NRG3: variants seen among roughly 807,000 people sequenced by gnomAD.
The protein encoded by NRG3 is pro-neuregulin-3, membrane-bound isoform.
In NRG3, 31 loss-of-function variants were observed where a neutral mutation model predicts 66.9. The ratio of observed to expected loss-of-function variants is 0.46; its 90% CI spans 0.35 to 0.63. NRG3 has a LOEUF of 0.63. NRG3 is among the 20% of genes least tolerant of loss of function. The pLI, the probability that NRG3 is intolerant of heterozygous loss-of-function variation, is 0.00. For synonymous variants in NRG3, 393 were observed against 359.4 expected (o/e 1.09, Z -1.06); for missense variants, 910 against 878.9 (o/e 1.04, Z -0.45).
At chr10:82,063,464 C>T (rs2064273258) in intron 1 of NRG3, among the ~76,000 whole-genome samples, 1 of 150,340 alleles carries the variant, frequency 6.7e-6, no homozygotes, top group Non-Finnish European at 1.5e-5. Context: ...TTCTGCTGCT[C>T]TATTTGTATA....
intron 1 of NRG3, among the ~76,000 whole-genome samples, chr10:82,208,207 A>G (rs1378486919): frequency 2.6e-5 from 4 of 152,212 alleles, no homozygotes; most frequent in Non-Finnish European, 5.9e-5. Context: ...TAGCATAACT[A>G]ATATGCGAAG....
chr10:82,208,478 C>T (rs574633924), intron 1 of NRG3, among the ~76,000 whole-genome samples: 1 of 152,108 alleles, frequency 6.6e-6, no homozygotes, highest in African/African-American at 2.4e-5. Context: ...ATTCCCATAA[C>T]CATATGTTTT....
chr10:82,968,027 T>G (rs139205771), intron 6 of NRG3, among the ~76,000 whole-genome samples: 34 of 152,372 alleles, frequency 2.2e-4, no homozygotes, highest in Admixed American at 8.5e-4. Flanking sequence ...TGTATTCACC[T>G]GTTTCTCCAG....
chr10:82,971,942 A>G (rs1851791746), intron 6 of NRG3, among the ~76,000 whole-genome samples: 1 of 152,134 alleles, frequency 6.6e-6, no homozygotes, highest in Non-Finnish European at 1.5e-5. Flanking sequence ...ATCTTTACCA[A>G]TTCTGTCGAC....
intron 1 of NRG3, among the ~76,000 whole-genome samples, chr10:82,222,159 T>G: frequency 6.6e-6 from 1 of 152,076 alleles, no homozygotes; most frequent in East Asian, 1.9e-4. Context: ...AAGTAATACC[T>G]TATGGTATTT....
chr10:82,331,149 C>A (rs1455533055), intron 1 of NRG3, among the ~76,000 whole-genome samples: 1 of 152,178 alleles, frequency 6.6e-6, no homozygotes, highest in Non-Finnish European at 1.5e-5. Context: ...GCTCAGAATA[C>A]CTGCTGGACC....
chr10:82,655,462 A>G lies in NRG3; in HGVS notation c.954-83115A>G, dbSNP rs1591041370. On this transcript the variant is annotated intron_variant, in intron 2 of 8. Coordinates refer to ENST00000372141, the MANE Select transcript of NRG3 (RefSeq NM_001010848.4). ...CACACTTCTTTTTTTCGGGTGTGGA[A>G]CATTAACATAATTAGACATGAATTT... 3.9e-5 allele frequency among the ~76,000 whole-genome samples: 6 copies of G among 152,302 alleles called. No individual in the cohort carries two copies. The Middle Eastern group carries it at 0.01, about 259-fold the overall frequency.
At chr10:82,979,242 T>C (rs939844767) in intron 8 of NRG3, 122 bp downstream of exon 8, 27 of 980,660 alleles carry the variant, frequency 2.8e-5, no homozygotes, top group Middle Eastern at 4.8e-4. Flanking sequence ...TATATATGCT[T>C]ACTGCCATCT....
chr10:82,804,817 T>A (rs2061210386), intron 3 of NRG3, among the ~76,000 whole-genome samples: 1 of 152,178 alleles, frequency 6.6e-6, no homozygotes, highest in Non-Finnish European at 1.5e-5. Flanking sequence ...CCACAGAATT[T>A]CAACATAGCC....
At chr10:82,760,734 G>GCATACAGAAGACAGTCTTACATA (rs1254099540) in intron 3 of NRG3, among the ~76,000 whole-genome samples, 2 of 151,878 alleles carry the variant, frequency 1.3e-5, no homozygotes, top group Non-Finnish European at 2.9e-5. Context: ...AATAAAATCA[G>GCATACAGAAGACAGTCTTACATA]CATACAGAAG....
intron 3 of NRG3, among the ~76,000 whole-genome samples, chr10:82,847,915 A>G (rs2063380155): frequency 6.6e-6 from 1 of 152,208 alleles, no homozygotes; most frequent in Non-Finnish European, 1.5e-5. Flanking sequence ...GGCATTGAGT[A>G]AATATTTGCT....
intron 3 of NRG3, among the ~76,000 whole-genome samples, chr10:82,779,885 C>A (rs528037528): frequency 2.7e-5 from 4 of 149,874 alleles, no homozygotes; most frequent in East Asian, 3.9e-4. Context: ...CCCCCCACCC[C>A]CCGACAGGCC....
intron 2 of NRG3, among the ~76,000 whole-genome samples, chr10:82,681,990 T>A (rs927311414): frequency 5.9e-5 from 9 of 152,208 alleles, no homozygotes; most frequent in African/African-American, 2.2e-4. Context: ...AACAACCGCC[T>A]GCTGAATAGA....
At chr10:82,052,427 C>T (rs1284371020) in intron 1 of NRG3, among the ~76,000 whole-genome samples, 2 of 152,096 alleles carry the variant, frequency 1.3e-5, no homozygotes, top group African/African-American at 4.8e-5. Flanking sequence ...CTGCACTGGT[C>T]ACCAGAGATG....
chr10:82,403,861 C>T (rs1180190237), intron 2 of NRG3, among the ~76,000 whole-genome samples: 2 of 152,116 alleles, frequency 1.3e-5, no homozygotes, highest in East Asian at 1.9e-4. Context: ...ATCTCTAGGT[C>T]GTAGTTTTCC....
chr10:82,150,563 CA>C (rs958240627), intron 1 of NRG3, among the ~76,000 whole-genome samples: 5 of 75,152 alleles, frequency 6.7e-5, no homozygotes, highest in Non-Finnish European at 8.6e-5. Flanking sequence ...AAGTCAAAAA[CA>C]AAGCAAAAAA....
chr10:82,226,773 G>A (rs893205227), intron 1 of NRG3, among the ~76,000 whole-genome samples: 1 of 152,282 alleles, frequency 6.6e-6, no homozygotes, highest in South Asian at 2.1e-4. Context: ...TTTGGCCAAA[G>A]TCTCACAGTT....
In NRG3 at chr10:82,660,196, CAAAAAAAAAAAAAAAAAAAAAAA is replaced by C. The variant is rs58870828; in HGVS notation, c.954-78364_954-78342del. Among the ~76,000 whole-genome samples the C allele has an allele frequency of 1.8e-3, 35 of 19,564 alleles. 1 individual carries two copies. Among genetic ancestry groups the C allele is most frequent in the Admixed American group, 3.5e-3 (3 of 858 alleles). The allele number at this position is 19,564 out of a possible 152,430, so 12.8% of individuals were successfully genotyped here. A position where few individuals can be genotyped will look rare whatever the true frequency, so the allele number is the denominator to read the frequency against. On this transcript the variant is annotated intron_variant, in intron 2 of 8. Transcript: ENST00000372141. ...GGGCGACAAGAGCAAAACTCCCTCT[CAAAAAAAAAAAAAAAAAAAAAAA>C]AAAAAAAAAAAAAAAACTGGAAAGA...
intron 1 of NRG3, among the ~76,000 whole-genome samples, chr10:82,149,498 A>G (rs564991528): frequency 2.6e-5 from 4 of 152,038 alleles, no homozygotes; most frequent in Admixed American, 1.3e-4. Flanking sequence ...AGCAGTTTTT[A>G]TGTACTTGTA....
Sources: gnomAD v4.1 joint callset for allele counts (sites outside exome capture counted in the v4.1 genomes callset) on GRCh38, gnomAD v4.1.1 for gene constraint, MANE v1.5 for transcripts, NCBI Gene and HGNC (gene_info 2026-07-23, HGNC 2026-07-21) for gene names.